FER: variants seen among roughly 807,000 people sequenced by gnomAD.
FER encodes the protein tyrosine-protein kinase Fer.
A neutral mutation model predicts 111.0 loss-of-function variants in FER; 63 were observed. The ratio of observed to expected loss-of-function variants is 0.57; its 90% CI spans 0.46 to 0.70. FER has a LOEUF of 0.70. Ranked by LOEUF, FER falls within the 30% of genes least tolerant of loss-of-function variation. The pLI is 0.00. For synonymous variants in FER, 327 were observed against 313.9 expected, an observed-to-expected ratio of 1.04 and a Z score of -0.44; for missense variants, 914 against 954.0, an observed-to-expected ratio of 0.96 and a Z score of 0.55.
chr5:109,027,416 T>C (rs1203197201), intron 13 of FER, among the ~76,000 whole-genome samples: 1 of 152,140 alleles, frequency 6.6e-6, no homozygotes, highest in African/African-American at 2.4e-5. Flanking sequence ...GTTTTGAATG[T>C]TGGGGAGATA....
rs1291381113 is a variant in FER at position 109,046,588 on chromosome 5, T to A, written c.1830-516T>A. Reference sequence around the variant, plus strand: ...GCATCCACATTATGTTGCCAATATGTATCAGTATGGTTGGGCCTCTGTCTC... The same window carrying A: ...GCATCCACATTATGTTGCCAATATGAATCAGTATGGTTGGGCCTCTGTCTC... On this transcript the variant is annotated intron_variant, in intron 15 of 19. Coordinates refer to ENST00000281092, the MANE Select transcript of FER (RefSeq NM_005246.4). 5.9e-5 allele frequency among the ~76,000 whole-genome samples: 9 copies of A among 152,264 alleles called. No individual in the cohort carries two copies. The South Asian group carries it at 1.0e-3, about 18-fold the overall frequency.
At chr5:108,963,684 A>G (rs774900825) in intron 13 of FER, among the ~76,000 whole-genome samples, 1 of 152,236 alleles carries the variant, frequency 6.6e-6, no homozygotes, top group Non-Finnish European at 1.5e-5. Flanking sequence ...AGAATGTCAT[A>G]TAGATTGTCA....
chr5:109,030,819 A>C (rs951792838), intron 13 of FER, among the ~76,000 whole-genome samples: 5 of 152,116 alleles, frequency 3.3e-5, no homozygotes, highest in African/African-American at 1.2e-4. Flanking sequence ...CAGTGCATGG[A>C]GACAAAGAGA....
intron 17 of FER, among the ~76,000 whole-genome samples, chr5:109,153,952 A>C (rs773477514): frequency 4.6e-5 from 7 of 151,896 alleles, no homozygotes; most frequent in Non-Finnish European, 5.9e-5. Context: ...AGAAAGAATC[A>C]AGTGGCAGGG....
chr5:108,939,426 A>C (rs1364632707), intron 10 of FER, among the ~76,000 whole-genome samples: 1 of 152,094 alleles, frequency 6.6e-6, no homozygotes, highest in African/African-American at 2.4e-5. Context: ...GGATTAGTTA[A>C]AACAAAGAAG....
At chr5:108,843,604 G>A (rs1036332856) in intron 5 of FER, among the ~76,000 whole-genome samples, 5 of 148,312 alleles carry the variant, frequency 3.4e-5, no homozygotes, top group Admixed American at 6.7e-5. Context: ...ATCTCGGGTC[G>A]CTGTAGCCTC....
intron 11 of FER, among the ~76,000 whole-genome samples, chr5:108,953,957 A>C (rs937834520): frequency 1.3e-5 from 2 of 152,136 alleles, no homozygotes; most frequent in African/African-American, 4.8e-5. Flanking sequence ...ATCTACTATC[A>C]GCACATTTCA....
intron 17 of FER, among the ~76,000 whole-genome samples, chr5:109,101,599 T>C (rs1748244607): frequency 6.6e-6 from 1 of 152,104 alleles, no homozygotes; most frequent in Admixed American, 6.6e-5. Flanking sequence ...GGTTCAACAA[T>C]TGCATATATT....
chr5:108,851,865 T>C (rs2150188601), intron 5 of FER, among the ~76,000 whole-genome samples: 1 of 152,264 alleles, frequency 6.6e-6, no homozygotes, highest in Middle Eastern at 3.4e-3. Context: ...TTCTCTTACA[T>C]GAGTAGGAGT....
intron 2 of FER, among the ~76,000 whole-genome samples, chr5:108,772,538 T>C (rs914308031): frequency 2.7e-4 from 41 of 152,300 alleles, no homozygotes; most frequent in Middle Eastern, 3.4e-3. Context: ...CTTAGAATAC[T>C]ATTCAACCAA....
rs141528826 is a variant in FER, at chr5:109,035,791, A to G, written c.1657-1631A>G. Among the ~76,000 whole-genome samples, 762 of 152,354 alleles carry G rather than the reference A, an allele frequency of 5.0e-3. 3 individuals are homozygous for G. Among genetic ancestry groups the G allele is most frequent in the Admixed American group, 8.4e-3 (128 of 15,302 alleles). Reference sequence around the variant, plus strand: ...TTCACCAGCGATACATAAGGATTACAGTTGCTCCACACCCTCACAATCTCT... The same window carrying G: ...TTCACCAGCGATACATAAGGATTACGGTTGCTCCACACCCTCACAATCTCT... On this transcript the variant is annotated intron_variant, in intron 13 of 19. Transcript: ENST00000281092.
rs923495158 is a variant in FER, at chr5:109,014,178, A to G, written c.1657-23244A>G. 2.6e-5 allele frequency among the ~76,000 whole-genome samples: 4 copies of G among 151,690 alleles called. 1 individual carries two copies. The highest frequency in any genetic ancestry group is 6.6e-5 in the Admixed American group (1 of 15,248). Reference sequence around the variant, plus strand: ...TGCCCATGCCTATGTCCTGAATGGTAATGCCTAGGTTTTCTTCTAGGGTTT... The same window carrying G: ...TGCCCATGCCTATGTCCTGAATGGTGATGCCTAGGTTTTCTTCTAGGGTTT... On this transcript the variant is annotated intron_variant, in intron 13 of 19. Coordinates refer to ENST00000281092, the MANE Select transcript of FER (RefSeq NM_005246.4).
intron 17 of FER, among the ~76,000 whole-genome samples, chr5:109,108,655 C>T (rs1208162864): frequency 6.6e-6 from 1 of 152,132 alleles, no homozygotes; most frequent in Admixed American, 6.6e-5. Flanking sequence ...CTTGGCTGAC[C>T]ATTGGTTCAA....
intron 17 of FER, among the ~76,000 whole-genome samples, chr5:109,146,672 C>G (rs960805375): frequency 7.2e-5 from 11 of 151,884 alleles, no homozygotes; most frequent in African/African-American, 2.7e-4. Flanking sequence ...GTGTGCCTCA[C>G]AAAAGACAAA....
chr5:109,090,352 A>G (rs1778031651), intron 16 of FER, among the ~76,000 whole-genome samples: 1 of 152,204 alleles, frequency 6.6e-6, no homozygotes, highest in Admixed American at 6.5e-5. Flanking sequence ...AATGGTGTAT[A>G]TATTCCTCTG....
At chr5:108,751,106 C>T (rs1750452190) in intron 1 of FER, among the ~76,000 whole-genome samples, 2 of 152,100 alleles carry the variant, frequency 1.3e-5, no homozygotes, top group South Asian at 2.1e-4. Flanking sequence ...GCAGGAGAAC[C>T]GCTTGAACCC....
intron 2 of FER, among the ~76,000 whole-genome samples, chr5:108,783,877 TG>T (rs1754368999): frequency 1.3e-5 from 2 of 152,140 alleles, no homozygotes; most frequent in Admixed American, 6.6e-5. Context: ...AGGAGAGTCT[TG>T]GACATGTGGA....
At chr5:109,000,087 G>C (rs189987122) in intron 13 of FER, among the ~76,000 whole-genome samples, 39 of 151,688 alleles carry the variant, frequency 2.6e-4, no homozygotes, top group Admixed American at 2.5e-3. Context: ...CGCTGGCATA[G>C]TCTTTTAATG....
intron 13 of FER, among the ~76,000 whole-genome samples, chr5:109,007,017 A>T (rs1765583034): frequency 5.3e-5 from 8 of 152,132 alleles, no homozygotes. Flanking sequence ...TTATATTCTG[A>T]TGTTGTTCAG....
Sources: allele counts gnomAD v4.1 joint callset (sites outside exome capture counted in the v4.1 genomes callset), GRCh38; gene constraint gnomAD v4.1.1; transcripts MANE v1.5; gene names NCBI Gene and HGNC (gene_info 2026-07-23, HGNC 2026-07-21).